The following ANO2 variants were observed in gnomAD, a reference collection of about 807,000 sequenced individuals.
ANO2 encodes anoctamin 2, also known as anoctamin-2.
ANO2 carries 101 observed loss-of-function variants against 124.2 expected under a neutral mutation model. That is an observed-to-expected ratio of 0.81 (90% CI 0.69 to 0.96). The LOEUF is 0.96. Among genes scored for constraint, ANO2 ranks in the 40% least tolerant of loss-of-function variants. The pLI is 0.00. For synonymous variants in ANO2, 486 were observed against 482.5 expected (o/e 1.01, Z -0.09); for missense variants, 1,293 against 1,274.5 (o/e 1.01, Z -0.22).
intron 3 of ANO2, among the ~76,000 whole-genome samples, chr12:5,885,244 G>T (rs551289554): frequency 6.6e-6 from 1 of 152,212 alleles, no homozygotes; most frequent in Non-Finnish European, 1.5e-5. Context: ...AAGGAGTGAG[G>T]CTTTACAAGG....
chr12:5,921,470 C>G, intron 2 of ANO2, 104 bp from the exon 3 acceptor site: 3 of 1,190,990 alleles, frequency 2.5e-6, no homozygotes, highest in Non-Finnish European at 3.5e-6. Context: ...GACTCAGAAG[C>G]AAGCCTCTCA....
At chr12:5,639,413 A>G (rs1210884741) in intron 15 of ANO2, among the ~76,000 whole-genome samples, 1 of 152,336 alleles carries the variant, frequency 6.6e-6, no homozygotes, top group East Asian at 1.9e-4. Context: ...AACAGAAAGC[A>G]CTACCCTCAC....
intron 1 of ANO2, among the ~76,000 whole-genome samples, chr12:5,937,690 C>T (rs1388753952): frequency 4.0e-5 from 6 of 151,862 alleles, no homozygotes; most frequent in African/African-American, 1.5e-4. Context: ...ATGAGCTGAT[C>T]ACTTTGAGCT....
Position 5,658,584 on chromosome 12 carries a change from TATC to T in ANO2, c.1546-10786_1546-10784del, listed in dbSNP as rs780138252. 5.9e-3 allele frequency among the ~76,000 whole-genome samples: 893 copies of T among 151,830 alleles called. 8 individuals carry two copies. The highest frequency in any genetic ancestry group is 0.018 in the African/African-American group (757 of 41,316). On this transcript the variant is annotated intron_variant, in intron 14 of 24. Transcript: ENST00000682330. This position sits in a 1 kb window ranked among gnomAD's most constrained non-coding sequence, Gnocchi z 4.3. ...ACATCAATATTATCATTGTCATCAA[TATC>T]ATCATCATCATCATTATCATCATTA... is the stretch of plus-strand genomic sequence containing the variant.
At chr12:5,920,080 GATGC>G (rs1186777390) in intron 3 of ANO2, among the ~76,000 whole-genome samples, 17 of 91,104 alleles carry the variant, frequency 1.9e-4, no homozygotes, top group African/African-American at 4.4e-4. Flanking sequence ...TGGATGGATG[GATGC>G]ATGCATGCAT....
chr12:5,635,356 G>A lies in ANO2; in HGVS notation c.1621-9C>T, dbSNP rs1945959437. ...GAGAATGTCAGGGCAATCTGTTTGG[G>A]AAAACAGAGAGAAGTACACATCAGC... On this transcript the variant is annotated splice_polypyrimidine_tract_variant and intron_variant, in intron 15 of 24. Coordinates refer to ENST00000682330, the MANE Select transcript of ANO2 (RefSeq NM_001364791.2). This position sits in a 1 kb window ranked among gnomAD's most constrained non-coding sequence, Gnocchi z 5.2. 6.5e-7 allele frequency: 1 copy of A among 1,544,422 alleles called. No individual in the cohort carries two copies. Among genetic ancestry groups the A allele is most frequent in the Non-Finnish European group, 8.7e-7 (1 of 1,149,762 alleles).
At chr12:5,907,054 C>T (rs1416230047) in intron 3 of ANO2, among the ~76,000 whole-genome samples, 5 of 152,100 alleles carry the variant, frequency 3.3e-5, no homozygotes, top group Admixed American at 2.0e-4. Context: ...ATAAAGTCTC[C>T]GTTTGTTTCC....
chr12:5,830,526 C>T, intron 5 of ANO2, 37 bp from the exon 6 acceptor site: 1 of 1,590,162 alleles, frequency 6.3e-7, no homozygotes, highest in Non-Finnish European at 8.6e-7. Flanking sequence ...AAATTCATTT[C>T]ATTACCCTTG....
At chr12:5,920,889 A>T in intron 3 of ANO2, 151 bp downstream of exon 3, 2 of 985,394 alleles carry the variant, frequency 2.0e-6, no homozygotes, top group Non-Finnish European at 2.9e-6. Context: ...TTTTAAAAAA[A>T]GAAAGAAACA....
intron 14 of ANO2, among the ~76,000 whole-genome samples, chr12:5,719,395 A>AAT (rs1413847623): frequency 6.6e-6 from 1 of 152,290 alleles, no homozygotes; most frequent in East Asian, 1.9e-4. Context: ...TTCTGGTTTG[A>AAT]ATATATGAGT....
At chr12:5,581,322 C>T (rs758526446) in intron 20 of ANO2, among the ~76,000 whole-genome samples, 20 of 152,132 alleles carry the variant, frequency 1.3e-4, no homozygotes, top group Non-Finnish European at 2.2e-4. Flanking sequence ...CCAGAGCCTC[C>T]GCAAGGGTTT....
At chr12:5,839,705 C>T (rs1954450665) in intron 4 of ANO2, 19 of 440,756 alleles carry the variant, frequency 4.3e-5, no homozygotes, top group South Asian at 2.9e-4. Flanking sequence ...TTGCAGTGTA[C>T]CCAGCACTTC....
chr12:5,809,232 A>G (rs748221324), intron 7 of ANO2, among the ~76,000 whole-genome samples: 52 of 152,298 alleles, frequency 3.4e-4, no homozygotes, highest in Middle Eastern at 6.8e-3. Flanking sequence ...ACTCAGTTCA[A>G]GAGCCATAAC....
chr12:5,717,594 C>T (rs181237717), intron 14 of ANO2, among the ~76,000 whole-genome samples: 33 of 152,278 alleles, frequency 2.2e-4, no homozygotes, highest in Non-Finnish European at 2.1e-4. Flanking sequence ...CATGAAAGCA[C>T]CCAATCCTCT....
chr12:5,920,080 G>GATGGATGCATGC (rs1555183829), intron 3 of ANO2, among the ~76,000 whole-genome samples: 2 of 91,106 alleles, frequency 2.2e-5, no homozygotes, highest in African/African-American at 3.4e-5. Flanking sequence ...TGGATGGATG[G>GATGGATGCATGC]ATGCATGCAT....
chr12:5,682,917 A>T (rs1006962644), intron 14 of ANO2, among the ~76,000 whole-genome samples: 3 of 152,224 alleles, frequency 2.0e-5, no homozygotes, highest in African/African-American at 7.2e-5. Context: ...GGACAAGATG[A>T]TGCTGAGTTG....
chr12:5,699,813 T>G (rs1304063275), intron 14 of ANO2, among the ~76,000 whole-genome samples: 1 of 152,086 alleles, frequency 6.6e-6, no homozygotes, highest in African/African-American at 2.4e-5. Context: ...AAACAGACTT[T>G]AAACCAACAA....
chr12:5,894,048 C>T (rs1232384221), intron 3 of ANO2, among the ~76,000 whole-genome samples: 1 of 152,140 alleles, frequency 6.6e-6, no homozygotes, highest in African/African-American at 2.4e-5. Flanking sequence ...GGCTCTAGAT[C>T]CTTGAGGAAT....
intron 3 of ANO2, among the ~76,000 whole-genome samples, chr12:5,916,891 G>T (rs921647256): frequency 2.6e-5 from 4 of 152,110 alleles, no homozygotes; most frequent in African/African-American, 9.7e-5. Flanking sequence ...TAAACTCAAC[G>T]CTTTACACGC....
Sources: allele counts gnomAD v4.1 joint callset (sites outside exome capture counted in the v4.1 genomes callset), GRCh38; gene constraint gnomAD v4.1.1; non-coding constraint Gnocchi (gnomAD v3.1); transcripts MANE v1.5; gene names NCBI Gene and HGNC (gene_info 2026-07-23, HGNC 2026-07-21).